The following COP1 variants were observed in gnomAD, a reference collection of about 807,000 sequenced individuals.
COP1 encodes E3 ubiquitin-protein ligase COP1.
COP1 carries 24 observed loss-of-function variants against 101.3 expected under a neutral mutation model. The observed-to-expected ratio is 0.24, with a 90% CI of 0.17 to 0.33. COP1 has a LOEUF of 0.33. Among genes scored for constraint, COP1 ranks in the 10% least tolerant of loss-of-function variants. COP1 has a pLI of 1.00. For synonymous variants in COP1, 347 were observed against 341.9 expected, an observed-to-expected ratio of 1.01 and a Z score of -0.17; for missense variants, 663 against 906.2, an observed-to-expected ratio of 0.73 and a Z score of 3.45.
chr1:176,039,200 C>A (rs1670096184), intron 14 of COP1, among the ~76,000 whole-genome samples: 1 of 152,004 alleles, frequency 6.6e-6, no homozygotes, highest in Admixed American at 6.6e-5. Flanking sequence ...CCAAATAATT[C>A]TAAGTAACAC....
intron 9 of COP1, among the ~76,000 whole-genome samples, chr1:176,109,089 C>T (rs761227585): frequency 1.4e-4 from 21 of 151,696 alleles, no homozygotes; most frequent in African/African-American, 3.4e-4. Context: ...TCCAGCCTGG[C>T]GACAGAGTGA....
At chr1:176,104,998 A>AC (rs1684073903) in intron 9 of COP1, among the ~76,000 whole-genome samples, 1 of 152,214 alleles carries the variant, frequency 6.6e-6, no homozygotes, top group East Asian at 1.9e-4. Context: ...CCATAGAGTT[A>AC]CCTTCCTCAT....
chr1:176,191,912 G>A (rs1293412049), intron 1 of COP1, among the ~76,000 whole-genome samples: 3 of 151,994 alleles, frequency 2.0e-5, no homozygotes, highest in Non-Finnish European at 4.4e-5. Flanking sequence ...ATAGCATAGC[G>A]GCAATCATTT....
intron 11 of COP1, among the ~76,000 whole-genome samples, chr1:176,058,563 G>A (rs1320023836): frequency 1.3e-5 from 2 of 152,160 alleles, no homozygotes; most frequent in Non-Finnish European, 2.9e-5. Context: ...AAGGCAGCAT[G>A]CTCATTAAGA....
rs189893657 is a variant in COP1, at chr1:176,054,408, C to T, written c.1278-8084G>A. Among the ~76,000 whole-genome samples the T allele has an allele frequency of 7.2e-5, 11 of 152,042 alleles. No individual in the cohort carries two copies. The East Asian group carries it at 2.1e-3, about 29-fold the overall frequency. ...AACTCCTGACCTCAGGTGATCTGTCCGTCTCAGCCTCCCAAAGTGCTGGGA... is the reference window on the plus strand; with the variant it reads ...AACTCCTGACCTCAGGTGATCTGTCTGTCTCAGCCTCCCAAAGTGCTGGGA... On this transcript the variant is annotated intron_variant, in intron 11 of 19. Coordinates refer to ENST00000367669, the MANE Select transcript of COP1 (RefSeq NM_022457.7).
At position 176,079,787 on chromosome 1, in the gene COP1, T is replaced by C. The variant is rs556643258; in HGVS notation, c.1277+1365A>G. 2.7e-4 allele frequency among the ~76,000 whole-genome samples: 41 copies of C among 152,212 alleles called. No homozygotes were observed. The South Asian group carries it at 8.1e-3, about 30-fold the overall frequency. On this transcript the variant is annotated intron_variant, in intron 11 of 19. Transcript: ENST00000367669. ...CAGCAAAATCTTAACCACTGCTGAA[T>C]GTGGGTGATGGTTATGTGAGGAATT...
At chr1:176,206,221 G>A (rs990414309) in intron 1 of COP1, 14 of 284,422 alleles carry the variant, frequency 4.9e-5, no homozygotes, top group African/African-American at 2.7e-4. Context: ...ATTCATCAGA[G>A]AGGCAAAAAT....
chr1:176,035,481 A>T (rs573645584), intron 14 of COP1, among the ~76,000 whole-genome samples: 1 of 152,062 alleles, frequency 6.6e-6, no homozygotes, highest in East Asian at 1.9e-4. Context: ...CAGTAGTTTG[A>T]TAAGTATGTG....
In COP1 at chr1:176,038,827, A is replaced by G. The variant is rs1011536399; in HGVS notation, c.1612+4359T>C. ...AGCTAGACTCCATCTCAAAAAAAAA[A>G]AAAAGAAAAGAAAAAGATAGATACA... On this transcript the variant is annotated intron_variant, in intron 14 of 19. Transcript: ENST00000367669. 9.5e-4 allele frequency among the ~76,000 whole-genome samples: 145 copies of G among 152,184 alleles called. 1 individual carries two copies. Among genetic ancestry groups the G allele is most frequent in the Non-Finnish European group, 1.3e-3 (88 of 67,988 alleles).
At chr1:176,180,881 T>G (rs1360150710) in intron 2 of COP1, among the ~76,000 whole-genome samples, 1 of 152,136 alleles carries the variant, frequency 6.6e-6, no homozygotes, top group African/African-American at 2.4e-5. Flanking sequence ...AAAAGGCAAT[T>G]TGACACTCAG....
In COP1 at chr1:176,206,848, GCCGAAACCGCCA is replaced by G; in HGVS notation, c.119_130del (p.Val40_Ser43del). The G allele has an allele frequency of 1.4e-6, 2 of 1,430,654 alleles. No homozygotes were observed. Among genetic ancestry groups the G allele is most frequent in the Non-Finnish European group, 1.8e-6 (2 of 1,097,646 alleles). 88.6% of individuals were successfully genotyped at this position (1,430,654 alleles called of 1,614,324 possible). A position where few individuals can be genotyped will look rare whatever the true frequency, so the allele number is the denominator to read the frequency against. ...CACCCCGCCGGACACCAGCGCTGCCGCCGAAACCGCCACGGAAGGCGGCGACGGGGAAGAGGA... is the reference window on the plus strand; with the variant it reads ...CACCCCGCCGGACACCAGCGCTGCCGCGGAAGGCGGCGACGGGGAAGAGGA... On this transcript the variant is annotated inframe_deletion, in exon 1 of 20. Coordinates refer to ENST00000367669, the MANE Select transcript of COP1 (RefSeq NM_022457.7).
intron 8 of COP1, among the ~76,000 whole-genome samples, chr1:176,123,154 G>C (rs146571184): frequency 2.6e-5 from 4 of 151,866 alleles, no homozygotes; most frequent in African/African-American, 7.2e-5. Flanking sequence ...AATCCATCAG[G>C]GTTTAAAAAA....
chr1:176,194,627 ACT>A (rs1205793531), intron 1 of COP1, among the ~76,000 whole-genome samples: 5 of 151,108 alleles, frequency 3.3e-5, no homozygotes, highest in African/African-American at 1.2e-4. Flanking sequence ...ACAGAGCAAG[ACT>A]CTGTCTCAAA....
chr1:176,172,164 C>A (rs2101875959), intron 3 of COP1, among the ~76,000 whole-genome samples: 1 of 152,270 alleles, frequency 6.6e-6, no homozygotes, highest in East Asian at 1.9e-4. Context: ...ATCCTCTCAC[C>A]TCAGCCTCCC....
At chr1:176,204,644 C>T (rs1700635288) in intron 1 of COP1, among the ~76,000 whole-genome samples, 1 of 152,090 alleles carries the variant, frequency 6.6e-6, no homozygotes, top group East Asian at 1.9e-4. Flanking sequence ...ATACTCAGGA[C>T]CACGGTGGCT....
intron 11 of COP1, among the ~76,000 whole-genome samples, chr1:176,061,749 T>C (rs564022898): frequency 3.3e-5 from 5 of 152,280 alleles, no homozygotes; most frequent in African/African-American, 1.2e-4. Flanking sequence ...ATTACAATGA[T>C]AGAAGAAAAT....
chr1:175,966,679 T>A (rs1172330981), intron 18 of COP1, among the ~76,000 whole-genome samples: 1 of 152,214 alleles, frequency 6.6e-6, no homozygotes, highest in African/African-American at 2.4e-5. Context: ...ACTGACTATG[T>A]ACAAGAGAGC....
chr1:176,087,695 G>T (rs1680478892), intron 9 of COP1, among the ~76,000 whole-genome samples: 1 of 152,198 alleles, frequency 6.6e-6, no homozygotes, highest in African/African-American at 2.4e-5. Flanking sequence ...AAGACAATGT[G>T]GCGATTCCTC....
intron 2 of COP1, 61 bp downstream of exon 2, chr1:176,184,572 T>C (rs767410646): frequency 3.3e-5 from 44 of 1,316,890 alleles, no homozygotes; most frequent in Non-Finnish European, 4.4e-5. Context: ...TCTCATTGGC[T>C]ACATTTACAG....
Sources: allele counts gnomAD v4.1 joint callset (sites outside exome capture counted in the v4.1 genomes callset), GRCh38; gene constraint gnomAD v4.1.1; transcripts MANE v1.5; gene names NCBI Gene and HGNC (gene_info 2026-07-23, HGNC 2026-07-21).